RFC1: variants seen among roughly 807,000 people sequenced by gnomAD.
RFC1 encodes replication factor C subunit 1.
RFC1 carries 37 observed loss-of-function variants against 137.4 expected under a neutral mutation model. That is an observed-to-expected ratio of 0.27 (90% CI 0.21 to 0.35). The LOEUF (loss-of-function observed/expected upper bound fraction) is 0.35, where lower values mean the gene tolerates loss of function less well. Among genes scored for constraint, RFC1 ranks in the 10% least tolerant of loss-of-function variants. The pLI, the probability that RFC1 is intolerant of heterozygous loss-of-function variation, is 1.00. For synonymous variants in RFC1, 429 were observed against 455.7 expected (o/e 0.94, Z 0.75); for missense variants, 1,205 against 1,358.5 (o/e 0.89, Z 1.78).
At chr4:39,357,584 C>T (rs929293544) in intron 1 of RFC1, among the ~76,000 whole-genome samples, 1 of 151,666 alleles carries the variant, frequency 6.6e-6, no homozygotes, top group African/African-American at 2.4e-5. Flanking sequence ...TAATGTACTC[C>T]GATTATGGTT....
chr4:39,312,979 C>T (rs755056232), intron 10 of RFC1, 48 bp from the exon 11 acceptor site: 1 of 1,460,768 alleles, frequency 6.8e-7, no homozygotes, highest in Non-Finnish European at 9.3e-7. Context: ...TGGTAGCTTT[C>T]CAAAGAAACA....
chr4:39,291,812 A>C lies in RFC1; in HGVS notation c.2995T>G (p.Ser999Ala). 1 of 1,614,176 alleles carries C rather than the reference A, an allele frequency of 6.2e-7. No individual in the cohort carries two copies. Among genetic ancestry groups the C allele is most frequent in the Non-Finnish European group, 8.5e-7 (1 of 1,180,006 alleles). ...SKRTVNMDYL[S>A]LLRDALVQPL... ...TGTACAAGTGCATCCCTTAGAAGCG[A>C]CAGATAATCCATGTTTACAGTCCTT... Residue 999 changes from serine (S) to alanine (A), a missense_variant, in exon 23 of 25, where the codon TCG becomes GCG. Ser to Ala is a moderately conservative substitution (Grantham distance 99). This residue lies in a region of RFC1 where 237 missense variants were observed against 304.2 expected (regional missense o/e 0.78). Coordinates refer to ENST00000349703, the MANE Select transcript of RFC1 (RefSeq NM_002913.5).
chr4:39,346,391 G>A (rs955086489), intron 2 of RFC1, among the ~76,000 whole-genome samples: 8 of 151,952 alleles, frequency 5.3e-5, no homozygotes, highest in African/African-American at 1.7e-4. Context: ...CAGGAGAATC[G>A]CTTGAACCTG....
At chr4:39,289,153 G>A (rs1482567590) in intron 24 of RFC1, among the ~76,000 whole-genome samples, 1 of 152,162 alleles carries the variant, frequency 6.6e-6, no homozygotes, top group Non-Finnish European at 1.5e-5. Flanking sequence ...ATAAGCAAGA[G>A]GTAATTGACA....
intron 22 of RFC1, among the ~76,000 whole-genome samples, chr4:39,293,511 T>A (rs1471389588): frequency 6.6e-6 from 1 of 152,196 alleles, no homozygotes; most frequent in Non-Finnish European, 1.5e-5. Flanking sequence ...ACTCTTCCAT[T>A]TTTTAAAGAA....
intron 1 of RFC1, among the ~76,000 whole-genome samples, chr4:39,363,903 GA>G (rs1560629781): frequency 1.5e-3 from 5 of 3,358 alleles, no homozygotes; most frequent in Non-Finnish European, 5.8e-3. Context: ...AAAAAAAAAA[GA>G]AGAAGAAGAA....
chr4:39,362,587 A>T (rs1455022379), intron 1 of RFC1, among the ~76,000 whole-genome samples: 1 of 152,256 alleles, frequency 6.6e-6, no homozygotes, highest in Non-Finnish European at 1.5e-5. Flanking sequence ...ATGTCCACAT[A>T]TAAAAGAATA....
At position 39,351,484 on chromosome 4, in the gene RFC1, C is replaced by A; in HGVS notation, c.4-8G>T. The A allele has an allele frequency of 1.3e-6, 2 of 1,533,870 alleles. No homozygotes were observed. Among genetic ancestry groups the A allele is most frequent in the Admixed American group, 4.9e-5 (2 of 40,866 alleles). ...AAAGAATTTCCGAATGTCCTAAAAG[C>A]AAAAAACAGGAGATTCACGAATAAA... On this transcript the variant is annotated splice_region_variant and splice_polypyrimidine_tract_variant and intron_variant, in intron 1 of 24. Coordinates refer to ENST00000349703, the MANE Select transcript of RFC1 (RefSeq NM_002913.5).
chr4:39,364,427 A>T (rs1296640886), intron 1 of RFC1, among the ~76,000 whole-genome samples: 2 of 152,212 alleles, frequency 1.3e-5, no homozygotes, highest in African/African-American at 4.8e-5. Flanking sequence ...ACCTCATAGG[A>T]TGTTTACCCA....
intron 3 of RFC1, among the ~76,000 whole-genome samples, chr4:39,344,007 G>C (rs1196666573): frequency 2.6e-5 from 4 of 151,934 alleles, no homozygotes; most frequent in Non-Finnish European, 4.4e-5. Context: ...CCAGCTACCT[G>C]GGAGGCTGAG....
At chr4:39,354,272 T>C (rs559730559) in intron 1 of RFC1, among the ~76,000 whole-genome samples, 2 of 152,332 alleles carry the variant, frequency 1.3e-5, no homozygotes, top group African/African-American at 4.8e-5. Context: ...TGAGCAGCCA[T>C]CTGAGGTATA....
intron 2 of RFC1, among the ~76,000 whole-genome samples, chr4:39,347,787 T>TATAAA (rs1353623146): frequency 6.6e-6 from 1 of 152,188 alleles, no homozygotes; most frequent in Non-Finnish European, 1.5e-5. Flanking sequence ...AGAATGTTGG[T>TATAAA]ATAAATATGA....
At chr4:39,294,387 C>T (rs1737860205) in intron 22 of RFC1, among the ~76,000 whole-genome samples, 1 of 152,082 alleles carries the variant, frequency 6.6e-6, no homozygotes, top group African/African-American at 2.4e-5. Flanking sequence ...AAAATGAATC[C>T]AGGGGCCGGG....
intron 4 of RFC1, among the ~76,000 whole-genome samples, chr4:39,338,691 G>A (rs1045217345): frequency 1.3e-5 from 2 of 152,104 alleles, no homozygotes; most frequent in Non-Finnish European, 2.9e-5. Flanking sequence ...GGGATACACA[G>A]ATAGTAAAAT....
rs1350100346 is a variant in RFC1, at chr4:39,287,802, A to G, written c.*959T>C. 1 of 152,248 alleles carries G rather than the reference A, an allele frequency of 6.6e-6. No individual in the cohort carries two copies. Among genetic ancestry groups the G allele is most frequent in the Non-Finnish European group, 1.5e-5 (1 of 68,056 alleles). 9.4% of individuals were successfully genotyped at this position (152,248 alleles called of 1,614,324 possible). ...GGAAGCCATCACAGGACAGGACTAG[A>G]TCTCTCAGGGGCAAAGTGAACAAAA... On this transcript the variant is annotated 3_prime_UTR_variant, in exon 25 of 25. Transcript: ENST00000349703.
chr4:39,329,746 G>T (rs1049411238), intron 4 of RFC1, among the ~76,000 whole-genome samples: 2 of 151,836 alleles, frequency 1.3e-5, no homozygotes, highest in African/African-American at 2.4e-5. Flanking sequence ...TAATACAATT[G>T]AAAATAGGCC....
intron 19 of RFC1, 98 bp from the exon 20 acceptor site, chr4:39,300,512 T>G: frequency 1.1e-6 from 1 of 876,638 alleles, no homozygotes. Context: ...GGAATTCCAT[T>G]CATTGCTGGT....
At chr4:39,319,821 AGT>A (rs1427660987) in intron 9 of RFC1, among the ~76,000 whole-genome samples, 1 of 152,202 alleles carries the variant, frequency 6.6e-6, no homozygotes, top group Non-Finnish European at 1.5e-5. Flanking sequence ...ACGGGTGGGT[AGT>A]GTATCCAGCA....
At chr4:39,332,453 A>C (rs556473974) in intron 4 of RFC1, among the ~76,000 whole-genome samples, 2 of 152,340 alleles carry the variant, frequency 1.3e-5, no homozygotes, top group African/African-American at 4.8e-5. Context: ...ACTTTATAAT[A>C]AATTATCTTT....
Sources: allele counts gnomAD v4.1 joint callset (sites outside exome capture counted in the v4.1 genomes callset), GRCh38; gene constraint gnomAD v4.1.1; regional missense constraint gnomAD v4.1.1; transcripts MANE v1.5; gene names NCBI Gene and HGNC (gene_info 2026-07-23, HGNC 2026-07-21).